The following LRRC42 variants were observed in gnomAD, a reference collection of about 807,000 sequenced individuals.
LRRC42 encodes the protein leucine-rich repeat-containing protein 42.
LRRC42 carries 43 observed loss-of-function variants against 44.3 expected under a neutral mutation model. The ratio of observed to expected loss-of-function variants is 0.97; its 90% CI spans 0.76 to 1.25. The LOEUF is 1.25. Among genes scored for constraint, LRRC42 ranks in the 50% most tolerant of loss-of-function variants. The probability of loss-of-function intolerance (pLI) is 0.00; values close to 1 mark genes in which losing one functional copy is unlikely to be tolerated. For synonymous variants in LRRC42, 207 were observed against 195.2 expected, an observed-to-expected ratio of 1.06 and a Z score of -0.50; for missense variants, 540 against 509.1, an observed-to-expected ratio of 1.06 and a Z score of -0.58.
At chr1:53,962,509 C>A (rs950533771) in intron 7 of LRRC42, 100 bp downstream of exon 7, 3 of 758,106 alleles carry the variant, frequency 4.0e-6, no homozygotes, top group Non-Finnish European at 6.8e-6. Flanking sequence ...ACTTGGTAGT[C>A]CTTGGTTAAA....
chr1:53,961,721 A>G (rs186888517), intron 5 of LRRC42, among the ~76,000 whole-genome samples: 22 of 152,316 alleles, frequency 1.4e-4, no homozygotes, highest in Non-Finnish European at 2.8e-4. Context: ...ATTGTAATAC[A>G]TGTTTATGTA....
At chr1:53,963,724 C>G (rs1245778441) in intron 7 of LRRC42, among the ~76,000 whole-genome samples, 2 of 152,180 alleles carry the variant, frequency 1.3e-5, no homozygotes. Flanking sequence ...ATTCCACTCA[C>G]CTGTCCTCAT....
At chr1:53,952,788 T>TA (rs1458538916) in intron 3 of LRRC42, among the ~76,000 whole-genome samples, 1 of 152,228 alleles carries the variant, frequency 6.6e-6, no homozygotes, top group African/African-American at 2.4e-5. Context: ...TATCTCTTGA[T>TA]ACGCTCTTAC....
chr1:53,961,762 T>C (rs1039101165), intron 5 of LRRC42, among the ~76,000 whole-genome samples: 5 of 152,234 alleles, frequency 3.3e-5, no homozygotes, highest in African/African-American at 1.2e-4. Context: ...TTAAACCCTT[T>C]GGGATAACTA....
chr1:53,957,673 TTGG>T (rs1420038207), intron 3 of LRRC42, among the ~76,000 whole-genome samples: 2 of 152,258 alleles, frequency 1.3e-5, no homozygotes, highest in African/African-American at 4.8e-5. Context: ...CAAATATCTC[TTGG>T]TATGTTCTTG....
At chr1:53,950,663 G>T (rs962677934) in intron 2 of LRRC42, among the ~76,000 whole-genome samples, 4 of 152,184 alleles carry the variant, frequency 2.6e-5, no homozygotes, top group African/African-American at 4.8e-5. Flanking sequence ...TTAAATTGTA[G>T]AAATAATCCT....
At chr1:53,947,537 T>C (rs1654542262) in intron 1 of LRRC42, among the ~76,000 whole-genome samples, 1 of 152,204 alleles carries the variant, frequency 6.6e-6, no homozygotes, top group Non-Finnish European at 1.5e-5. Flanking sequence ...TAGGTTTTTA[T>C]GTTAGAAATT....
At chr1:53,954,443 T>A (rs1398621501) in intron 3 of LRRC42, among the ~76,000 whole-genome samples, 1 of 152,226 alleles carries the variant, frequency 6.6e-6, no homozygotes, top group Non-Finnish European at 1.5e-5. Flanking sequence ...CATTTTTTCT[T>A]CCAAGTTGTT....
chr1:53,951,499 A>G (rs1378635820), intron 2 of LRRC42, among the ~76,000 whole-genome samples: 1 of 152,134 alleles, frequency 6.6e-6, no homozygotes, highest in East Asian at 1.9e-4. Context: ...ATCTTGGCTC[A>G]CTGTAACCTC....
At chr1:53,967,595 T>C (rs1038593664) in intron 8 of LRRC42, 70 bp from the exon 9 acceptor site, 2 of 1,444,446 alleles carry the variant, frequency 1.4e-6, no homozygotes, top group African/African-American at 2.8e-5. Flanking sequence ...TCCCTGGGTT[T>C]ATCCTAGACT....
chr1:53,951,946 A>G, intron 2 of LRRC42, 40 bp from the exon 3 acceptor site: 1 of 1,462,180 alleles, frequency 6.8e-7, no homozygotes, highest in Non-Finnish European at 9.4e-7. Flanking sequence ...TACAAATGGC[A>G]TTTTAATTGG....
rs376545473 is a variant in LRRC42, at chr1:53,952,466, G to T, written c.467G>T (p.Arg156Leu). The T allele has an allele frequency of 6.3e-7, 1 of 1,591,856 alleles. No individual in the cohort carries two copies. Among genetic ancestry groups the T allele is most frequent in the Middle Eastern group, 1.7e-4 (1 of 5,968 alleles). Residue 156 changes from arginine to leucine, a missense_variant, in exon 3 of 9, where the codon CGA becomes CTA. Physicochemically the swap from Arg to Leu is moderately radical, Grantham distance 102 (BLOSUM62 -2). Coordinates refer to ENST00000371370, the MANE Select transcript of LRRC42 (RefSeq NM_001256409.2). ...GSLVLCSLCL[R>L]NRYLVISEKL... ...TTGGTGCTTTGCTCCCTGTGTTTGC[G>T]AAACAGGTGGGTGTTCTGATTAGAT...
In LRRC42 at chr1:53,962,075, T is replaced by C. The variant is rs748159335; in HGVS notation, c.766T>C (p.Ser256Pro). 4 of 1,614,084 alleles carry C rather than the reference T, an allele frequency of 2.5e-6. No homozygotes were observed. The highest frequency in any genetic ancestry group is 3.4e-6 in the Non-Finnish European group (4 of 1,179,954). The change falls in exon 6 of 9, where the codon TCT becomes CCT. Residue 256 changes from serine to proline, a missense_variant. Physicochemically the swap from Ser to Pro is moderately conservative, Grantham distance 74. Coordinates refer to ENST00000371370, the MANE Select transcript of LRRC42 (RefSeq NM_001256409.2). ...AGATGCAGGCATTGGATACCTCTTT[T>C]CTTTTAGGAAACTAAACTGCTTAGA... ...ITDAGIGYLF[S>P]FRKLNCLDIS...
chr1:53,960,226 A>C, intron 4 of LRRC42, 130 bp from the exon 5 acceptor site: 1 of 646,728 alleles, frequency 1.5e-6, no homozygotes, highest in Non-Finnish European at 2.7e-6. Flanking sequence ...TGTTAAATGC[A>C]TTGGGTATGA....
Position 53,966,353 on chromosome 1 carries a change from G to C in LRRC42, c.985G>C (p.Glu329Gln). Residue 329 changes from glutamate (E) to glutamine (Q), a missense_variant, in exon 8 of 9, where the codon GAG becomes CAG. Physicochemically the swap from Glu to Gln is conservative, Grantham distance 29. Transcript: ENST00000371370. The stretch of plus-strand genomic sequence containing the variant: ...AGCTGTGAAGCCACGGGAGACCTCG[G>C]AGCCTAGAGCAGCAGCTCAGCGCTT... ...AEAVKPRETS[E>Q]PRAAAQRFYG... 6.2e-7 allele frequency: 1 copy of C among 1,613,882 alleles called. No individual in the cohort carries two copies. The highest frequency in any genetic ancestry group is 1.1e-5 in the South Asian group (1 of 91,074).
chr1:53,958,547 TA>T (rs1374872748), intron 4 of LRRC42, among the ~76,000 whole-genome samples: 1 of 152,204 alleles, frequency 6.6e-6, no homozygotes, highest in African/African-American at 2.4e-5. Context: ...TGAAGCTACG[TA>T]GGTTAAAAAG....
At chr1:53,963,687 A>C (rs1655052875) in intron 7 of LRRC42, among the ~76,000 whole-genome samples, 1 of 151,962 alleles carries the variant, frequency 6.6e-6, no homozygotes, top group South Asian at 2.1e-4. Flanking sequence ...TGTCTTGGGG[A>C]TCTGTTATTG....
intron 4 of LRRC42, 150 bp downstream of exon 4, chr1:53,958,430 G>A: frequency 9.9e-7 from 1 of 1,014,198 alleles, no homozygotes; most frequent in South Asian, 1.7e-5. Flanking sequence ...CCATTTACTT[G>A]GTATAAGCAA....
intron 3 of LRRC42, among the ~76,000 whole-genome samples, chr1:53,952,754 A>G (rs1021748829): frequency 6.6e-6 from 1 of 152,262 alleles, no homozygotes; most frequent in Non-Finnish European, 1.5e-5. Flanking sequence ...AGAAAATAGA[A>G]AAGACAAAAT....
Sources: gnomAD v4.1 joint callset for allele counts (sites outside exome capture counted in the v4.1 genomes callset) on GRCh38, gnomAD v4.1.1 for gene constraint, MANE v1.5 for transcripts, NCBI Gene and HGNC (gene_info 2026-07-23, HGNC 2026-07-21) for gene names.